Variants in SEMA3C observed in about 807,000 individuals in gnomAD.
The protein encoded by SEMA3C is semaphorin 3C, also known as semaphorin-3C.
Under a neutral mutation model 89.4 loss-of-function variants are expected in SEMA3C, and 47 were observed. The ratio of observed to expected loss-of-function variants is 0.53; its 90% CI spans 0.42 to 0.67. The LOEUF (loss-of-function observed/expected upper bound fraction) is 0.67. SEMA3C is among the 30% of genes least tolerant of loss of function. The pLI is 0.00. For synonymous variants in SEMA3C, 310 were observed against 320.2 expected (o/e 0.97, Z 0.34); for missense variants, 839 against 929.1 (o/e 0.90, Z 1.26).
intron 2 of SEMA3C, among the ~76,000 whole-genome samples, chr7:80,882,715 T>A (rs1791375585): frequency 6.6e-6 from 1 of 152,054 alleles, no homozygotes; most frequent in Non-Finnish European, 1.5e-5. Context: ...GTTCAAGAGT[T>A]CTTTCTTGTT....
At chr7:80,797,239 A>C (rs1450087534) in intron 11 of SEMA3C, among the ~76,000 whole-genome samples, 2 of 152,070 alleles carry the variant, frequency 1.3e-5, no homozygotes, top group African/African-American at 4.8e-5. Context: ...CTGACATTTT[A>C]GAAAAAAAAA....
At chr7:80,802,595 G>T in intron 9 of SEMA3C, 70 bp downstream of exon 9, 1 of 921,636 alleles carries the variant, frequency 1.1e-6, no homozygotes, top group African/African-American at 1.7e-5. Flanking sequence ...CTTCTTTTGA[G>T]ACCTTATTTA....
At chr7:80,898,988 A>T (rs190933634) in intron 2 of SEMA3C, among the ~76,000 whole-genome samples, 128 of 152,288 alleles carry the variant, frequency 8.4e-4, no homozygotes, top group African/African-American at 2.8e-3. Flanking sequence ...AAATGAAGTA[A>T]TGCTATTGTT....
At chr7:80,922,255 T>A (rs73376617), upstream of SEMA3C, 3 of 1,288,286 alleles carry the variant, frequency 2.3e-6, no homozygotes, top group Non-Finnish European at 2.0e-6. Context: ...GTTTCAATAC[T>A]TCCTCTTACC....
At chr7:80,824,950 A>AT (rs1466132472) in intron 4 of SEMA3C, among the ~76,000 whole-genome samples, 1 of 152,128 alleles carries the variant, frequency 6.6e-6, no homozygotes, top group African/African-American at 2.4e-5. Context: ...AGCACATTGT[A>AT]AAGACTTAAA....
At chr7:80,784,100 T>C (rs551910518) in intron 12 of SEMA3C, among the ~76,000 whole-genome samples, 1 of 152,274 alleles carries the variant, frequency 6.6e-6, no homozygotes, top group South Asian at 2.1e-4. Flanking sequence ...GACACTTAAA[T>C]ATTTTCATAA....
At chr7:80,920,308 G>A (rs1792383959), upstream of SEMA3C, among the ~76,000 whole-genome samples, 1 of 152,124 alleles carries the variant, frequency 6.6e-6, no homozygotes, top group African/African-American at 2.4e-5. Context: ...AATCACTGTG[G>A]GGCACAGCCC....
At chr7:80,773,322 A>G (rs992809419) in intron 12 of SEMA3C, among the ~76,000 whole-genome samples, 2 of 152,212 alleles carry the variant, frequency 1.3e-5, no homozygotes, top group African/African-American at 4.8e-5. Context: ...TGTAAAAATA[A>G]TGATCTTCAG....
intron 2 of SEMA3C, among the ~76,000 whole-genome samples, chr7:80,913,926 T>C (rs1034281418): frequency 4.6e-5 from 7 of 152,210 alleles, no homozygotes; most frequent in Non-Finnish European, 1.0e-4. Flanking sequence ...TGATGCTTAT[T>C]GCACCGGAAG....
chr7:80,805,635 T>C lies in SEMA3C; in HGVS notation c.658+4A>G, dbSNP rs1562883483. The C allele has an allele frequency of 1.3e-6, 2 of 1,594,768 alleles. No homozygotes were observed. Among genetic ancestry groups the C allele is most frequent in the Non-Finnish European group, 1.7e-6 (2 of 1,171,888 alleles). On this transcript the variant is annotated splice_donor_region_variant and intron_variant, in intron 7 of 17. Transcript: ENST00000265361. ...AAAAATAAATGCATCAAATGCTTTCTTACCACTTAGCCATTTGGAATTATG... is the reference window on the plus strand; with the variant it reads ...AAAAATAAATGCATCAAATGCTTTCCTACCACTTAGCCATTTGGAATTATG...
intron 12 of SEMA3C, among the ~76,000 whole-genome samples, chr7:80,777,142 G>A (rs1228836146): frequency 6.6e-6 from 1 of 151,986 alleles, no homozygotes; most frequent in African/African-American, 2.4e-5. Flanking sequence ...TCTCCTATAA[G>A]AAAACTGGGC....
chr7:80,875,646 T>C (rs1210729151), intron 2 of SEMA3C, among the ~76,000 whole-genome samples: 1 of 152,056 alleles, frequency 6.6e-6, no homozygotes, highest in Non-Finnish European at 1.5e-5. Context: ...AAACATGCTT[T>C]TGTCGAGCAT....
intron 12 of SEMA3C, among the ~76,000 whole-genome samples, chr7:80,776,285 A>G (rs565451768): frequency 1.3e-5 from 2 of 152,048 alleles, no homozygotes; most frequent in African/African-American, 4.8e-5. Context: ...AAAAAAAAAA[A>G]AAAGAAAGAA....
chr7:80,917,429 A>C (rs7793555), intron 1 of SEMA3C, among the ~76,000 whole-genome samples: 4 of 152,008 alleles, frequency 2.6e-5, no homozygotes, highest in African/African-American at 9.7e-5. Context: ...ATGCAGTTGA[A>C]GTAACCATGG....
At chr7:80,804,792 G>A (rs570908489) in intron 7 of SEMA3C, among the ~76,000 whole-genome samples, 4 of 152,224 alleles carry the variant, frequency 2.6e-5, no homozygotes, top group South Asian at 4.1e-4. Flanking sequence ...ATGTACTGGA[G>A]GAATAATCTG....
intron 10 of SEMA3C, among the ~76,000 whole-genome samples, chr7:80,799,659 T>G (rs1360377078): frequency 2.0e-5 from 3 of 149,696 alleles, no homozygotes; most frequent in African/African-American, 7.4e-5. Context: ...CTGACCAACA[T>G]GGTGAAACCC....
At chr7:80,795,872 T>A (rs999423841) in intron 11 of SEMA3C, among the ~76,000 whole-genome samples, 2 of 152,182 alleles carry the variant, frequency 1.3e-5, no homozygotes, top group African/African-American at 4.8e-5. Flanking sequence ...ATGGCTGATT[T>A]CAAGTTACCA....
At chr7:80,754,962 T>TTTTTTGTTTTTTTTTTTTTTTG (rs1554359493) in intron 15 of SEMA3C, among the ~76,000 whole-genome samples, 1 of 130,684 alleles carries the variant, frequency 7.7e-6, no homozygotes, top group South Asian at 2.7e-4. Flanking sequence ...TTTTTGTTTT[T>TTTTTTGTTTTTTTTTTTTTTTG]TTTTTTTTTG....
intron 2 of SEMA3C, among the ~76,000 whole-genome samples, chr7:80,858,933 C>T (rs1460229186): frequency 2.6e-5 from 4 of 152,224 alleles, no homozygotes; most frequent in Middle Eastern, 3.4e-3. Flanking sequence ...TTGGGCCCCT[C>T]GGTTAGAGGT....
Sources: allele counts gnomAD v4.1 joint callset (sites outside exome capture counted in the v4.1 genomes callset), GRCh38; gene constraint gnomAD v4.1.1; transcripts MANE v1.5; gene names NCBI Gene and HGNC (gene_info 2026-07-23, HGNC 2026-07-21).